The following POR variants were observed in gnomAD, a reference collection of about 807,000 sequenced individuals.
POR encodes the protein NADPH--cytochrome P450 reductase.
In POR, 56 loss-of-function variants were observed where a neutral mutation model predicts 84.0. That is an observed-to-expected ratio of 0.67 (90% confidence interval 0.54 to 0.83). The LOEUF (loss-of-function observed/expected upper bound fraction) is 0.83, where lower values mean the gene tolerates loss of function less well. POR is among the 40% of genes least tolerant of loss of function. POR has a pLI of 0.00. For synonymous variants in POR, 414 were observed against 400.5 expected (o/e 1.03, Z -0.40); for missense variants, 938 against 944.3 (o/e 0.99, Z 0.09).
intron 1 of POR, among the ~76,000 whole-genome samples, chr7:75,924,560 C>G (rs551801531): frequency 1.3e-5 from 2 of 152,118 alleles, no homozygotes; most frequent in African/African-American, 4.8e-5. Context: ...TAAAAATTAG[C>G]TGGGTGTGGT....
intron 5 of POR, 44 bp from the exon 6 acceptor site, chr7:75,981,004 C>A: frequency 6.6e-7 from 1 of 1,515,008 alleles, no homozygotes; most frequent in Non-Finnish European, 8.9e-7. Flanking sequence ...TCCCACTGGT[C>A]AGGTCGAGGG....
intron 1 of POR, among the ~76,000 whole-genome samples, chr7:75,939,257 C>T (rs1343484330): frequency 6.6e-6 from 1 of 152,244 alleles, no homozygotes; most frequent in Non-Finnish European, 1.5e-5. Flanking sequence ...TGTCTAGAGG[C>T]TTTCCAGACT....
chr7:75,979,353 C>G, intron 3 of POR, 98 bp from the exon 4 acceptor site: 1 of 1,459,814 alleles, frequency 6.9e-7, no homozygotes, highest in Non-Finnish European at 9.3e-7. Context: ...AGGGGGCGGC[C>G]TGGAGGGCCC....
chr7:75,926,620 A>T (rs536479714), intron 1 of POR, among the ~76,000 whole-genome samples: 1 of 151,914 alleles, frequency 6.6e-6, no homozygotes, highest in Non-Finnish European at 1.5e-5. Flanking sequence ...ACATGGAGAA[A>T]CCTGTCTCTA....
chr7:75,973,180 A>G (rs1788517395), intron 3 of POR, among the ~76,000 whole-genome samples: 1 of 152,106 alleles, frequency 6.6e-6, no homozygotes, highest in South Asian at 2.1e-4. Context: ...AAATAAAAAC[A>G]TCCACTATTC....
chr7:75,936,078 CTTTCTTTCTTTT>C (rs1474960359), intron 1 of POR, among the ~76,000 whole-genome samples: 251 of 138,234 alleles, frequency 1.8e-3, no homozygotes, highest in Non-Finnish European at 3.4e-3. Flanking sequence ...TTTACTGTTT[CTTTCTTTCTTTT>C]TTTTTTTTTT....
chr7:75,985,012 G>A (rs782363175), intron 11 of POR, 46 bp from the exon 12 acceptor site: 1 of 1,579,098 alleles, frequency 6.3e-7, no homozygotes, highest in Non-Finnish European at 8.6e-7. Context: ...CGTTTTCCGA[G>A]CTCCGTGGGC....
intron 1 of POR, among the ~76,000 whole-genome samples, chr7:75,922,440 C>T (rs1554548967): frequency 6.6e-6 from 1 of 151,654 alleles, no homozygotes; most frequent in Non-Finnish European, 1.5e-5. Context: ...TCTCGTGCCT[C>T]AACCTCCTGA....
rs1554559134 is a variant in POR at position 75,985,721 on chromosome 7, T to C, written c.1541T>C (p.Met514Thr). Residue 514 changes from methionine (M) to threonine (T), a missense_variant, in exon 13 of 16, where the codon ATG becomes ACG. Met to Thr is a moderately conservative substitution (Grantham distance 81). Coordinates refer to ENST00000461988, the MANE Select transcript of POR (RefSeq NM_000941.3). ...AACGGCGGCCGTGCGCTGGTGCCCA[T>C]GTTCGTGCGCAAGTCCCAGTTCCGC... 1.3e-6 allele frequency: 2 copies of C among 1,588,876 alleles called. No homozygotes were observed. The highest frequency in any genetic ancestry group is 1.7e-6 in the Non-Finnish European group (2 of 1,169,418).
chr7:75,958,649 G>A (rs1449730809), intron 2 of POR, among the ~76,000 whole-genome samples: 3 of 152,032 alleles, frequency 2.0e-5, no homozygotes, highest in Non-Finnish European at 4.4e-5. Flanking sequence ...CTAATTTAGT[G>A]TTAATAGGCC....
rs10271059 is a variant in POR at position 75,920,860 on chromosome 7, A to G, written c.-5+5681A>G. The stretch of plus-strand genomic sequence containing the variant: ...CAGGGATGGCAGTTCTTGAATACAC[A>G]GGAGAGTGCATTAGCCAGTGGTGCC... On this transcript the variant is annotated intron_variant, in intron 1 of 15. Transcript: ENST00000461988. 8.0e-3 allele frequency among the ~76,000 whole-genome samples: 1,225 copies of G among 152,250 alleles called. 17 individuals carry two copies. Among genetic ancestry groups the G allele is most frequent in the African/African-American group, 0.028 (1,160 of 41,546 alleles).
At chr7:75,930,106 G>C (rs1284085040) in intron 1 of POR, among the ~76,000 whole-genome samples, 2 of 152,152 alleles carry the variant, frequency 1.3e-5, no homozygotes, top group African/African-American at 4.8e-5. Context: ...TCTCTAAACA[G>C]GTTTATCATA....
intron 1 of POR, among the ~76,000 whole-genome samples, chr7:75,921,584 G>A (rs1374537117): frequency 1.3e-5 from 2 of 151,908 alleles, no homozygotes; most frequent in African/African-American, 4.8e-5. Context: ...TCTTTCCACT[G>A]CTGTGGTCTT....
chr7:75,928,773 C>T (rs1807275384), intron 1 of POR, among the ~76,000 whole-genome samples: 1 of 152,138 alleles, frequency 6.6e-6, no homozygotes, highest in Non-Finnish European at 1.5e-5. Flanking sequence ...TGCAGGTGTA[C>T]TGTGTGATGT....
rs1338967811 is a variant in POR at position 75,923,074 on chromosome 7, G to C, written c.-5+7895G>C. 13 of 699,114 alleles carry C rather than the reference G, an allele frequency of 1.9e-5. No homozygotes were observed. In the African/African-American group the frequency reaches 2.4e-4, roughly 13 times the overall value. 43.3% of individuals were successfully genotyped at this position (699,114 alleles called of 1,614,324 possible). ...GAGTTTACTGGTGCGGAGAGCCATT[G>C]CAAGACTTAAACCTAAAAATGCAGC... On this transcript the variant is annotated intron_variant, in intron 1 of 15. Transcript: ENST00000461988.
At chr7:75,955,475 G>A (rs868939438) in intron 2 of POR, among the ~76,000 whole-genome samples, 42 of 152,184 alleles carry the variant, frequency 2.8e-4, no homozygotes, top group African/African-American at 9.4e-4. Flanking sequence ...CTGCGGTTAC[G>A]CTTGGCTGTG....
intron 1 of POR, among the ~76,000 whole-genome samples, chr7:75,949,532 T>A (rs921074284): frequency 6.6e-5 from 10 of 150,988 alleles, no homozygotes; most frequent in African/African-American, 2.4e-4. Flanking sequence ...TGAGATGGAG[T>A]CTCACTCTGT....
intron 10 of POR, 98 bp downstream of exon 10, chr7:75,983,954 CCCGGTGCCTGGGAGGCCCTTGCA>C: frequency 2.1e-6 from 2 of 965,920 alleles, no homozygotes; most frequent in Non-Finnish European, 3.0e-6. Flanking sequence ...GGCCTGAAGC[CCCGGTGCCTGGGAGGCCCTTGCA>C]CCGAGACTCC....
chr7:75,968,314 C>T (rs376493972), intron 2 of POR: 10 of 467,108 alleles, frequency 2.1e-5, no homozygotes, highest in Admixed American at 9.4e-5. Context: ...CTGTCTCTGG[C>T]GAGGGACTCA....
Sources: allele counts gnomAD v4.1 joint callset (sites outside exome capture counted in the v4.1 genomes callset), GRCh38; gene constraint gnomAD v4.1.1; transcripts MANE v1.5; gene names NCBI Gene and HGNC (gene_info 2026-07-23, HGNC 2026-07-21).